The following NCMAP variants were observed in gnomAD, a reference collection of about 807,000 sequenced individuals.
The protein encoded by NCMAP is non-compact myelin associated protein.
In NCMAP, 8 loss-of-function variants were observed where a neutral mutation model predicts 7.8. That is an observed-to-expected ratio of 1.02 (90% CI 0.60 to 1.84). The LOEUF is 1.84. Among genes scored for constraint, NCMAP ranks in the 40% most tolerant of loss-of-function variants. NCMAP has a pLI of 0.00. For synonymous variants in NCMAP, 41 were observed against 52.9 expected, an observed-to-expected ratio of 0.78 and a Z score of 0.98; for missense variants, 112 against 131.4, an observed-to-expected ratio of 0.85 and a Z score of 0.72.
At chr1:24,564,558 G>A (rs1271059307) in intron 1 of NCMAP, among the ~76,000 whole-genome samples, 2 of 144,842 alleles carry the variant, frequency 1.4e-5, no homozygotes, top group Non-Finnish European at 3.0e-5. Flanking sequence ...GAGAGATGGA[G>A]AGTATACGTA....
Position 24,576,533 on chromosome 1 carries a change from A to G in NCMAP, c.-7-18891A>G, listed in dbSNP as rs1395476767. On this transcript the variant is annotated intron_variant, in intron 1 of 3. Transcript: ENST00000374392. This position sits in a 1 kb window ranked among gnomAD's most constrained non-coding sequence, Gnocchi z 4.0. ...GTGTGGAGGCAAACAAGCCTCGGGGAGGGTGTCCTGAACCAAGTGAGAGGC... is the reference window on the plus strand; with the variant it reads ...GTGTGGAGGCAAACAAGCCTCGGGGGGGGTGTCCTGAACCAAGTGAGAGGC... Among the ~76,000 whole-genome samples, 1 of 151,944 alleles carries G rather than the reference A, an allele frequency of 6.6e-6. No homozygotes were observed. Among genetic ancestry groups the G allele is most frequent in the Non-Finnish European group, 1.5e-5 (1 of 67,974 alleles).
intron 1 of NCMAP, among the ~76,000 whole-genome samples, chr1:24,557,952 G>A (rs1344412528): frequency 6.6e-6 from 1 of 152,178 alleles, no homozygotes; most frequent in Non-Finnish European, 1.5e-5. Context: ...CCTGGGCTCC[G>A]TAGCACCATG....
chr1:24,567,333 TAA>T (rs1651257927), intron 1 of NCMAP, among the ~76,000 whole-genome samples: 1 of 152,122 alleles, frequency 6.6e-6, no homozygotes, highest in East Asian at 1.9e-4. Flanking sequence ...ATAAGTGCTA[TAA>T]CTAAGGTACC....
chr1:24,562,582 T>C (rs1040891126), intron 1 of NCMAP, among the ~76,000 whole-genome samples: 1 of 152,240 alleles, frequency 6.6e-6, no homozygotes, highest in Admixed American at 6.5e-5. Context: ...GCCTGAACTC[T>C]TACCCTTTCC....
At chr1:24,599,480 G>A (rs1652384781) in intron 2 of NCMAP, among the ~76,000 whole-genome samples, 2 of 152,050 alleles carry the variant, frequency 1.3e-5, no homozygotes, top group South Asian at 2.1e-4. Context: ...AAACAATGGA[G>A]TACTATGCAG....
intron 1 of NCMAP, among the ~76,000 whole-genome samples, chr1:24,571,580 C>T (rs66467890): frequency 0.63 from 94,477 of 150,008 alleles, 30,740 homozygotes; most frequent in African/African-American, 0.68. Context: ...AAAAAAACTT[C>T]ATATATATAC....
At chr1:24,597,663 G>GAA (rs1167251626) in intron 2 of NCMAP, among the ~76,000 whole-genome samples, 1 of 137,292 alleles carries the variant, frequency 7.3e-6, no homozygotes, top group South Asian at 2.5e-4. Flanking sequence ...AAGAAAGAAA[G>GAA]AAAGAAAGAA....
chr1:24,563,131 G>A (rs1050402626), intron 1 of NCMAP, among the ~76,000 whole-genome samples: 1 of 152,358 alleles, frequency 6.6e-6, no homozygotes, highest in Non-Finnish European at 1.5e-5. Flanking sequence ...TATACTTAAG[G>A]AGATAAAGGA....
intron 2 of NCMAP, among the ~76,000 whole-genome samples, chr1:24,596,264 C>T (rs1403232233): frequency 6.6e-6 from 1 of 151,422 alleles, no homozygotes; most frequent in African/African-American, 2.4e-5. Flanking sequence ...CAAAGTGAGC[C>T]TCCAAAACAA....
In NCMAP at chr1:24,605,637, A is replaced by T. The variant is rs1190899795; in HGVS notation, c.199A>T (p.Lys67Ter). Residue 67 changes from lysine to a stop codon, truncating the protein, a stop_gained, in exon 4 of 4, where the codon AAG (lysine) becomes TAG (stop). Transcript: ENST00000374392. LOFTEE classifies it high-confidence loss of function. ...GAGGACGAGGCGGGAACTAGAGCCC[A>T]AGGGCCCCAAGCCAACCGCCCCTTC... Reference protein sequence around the residue: ...KMRTRRELEPKGPKPTAPSAV... With the variant: ...KMRTRRELEP The T allele has an allele frequency of 7.4e-6, 12 of 1,614,248 alleles. No homozygotes were observed. The highest frequency in any genetic ancestry group is 2.2e-5 in the South Asian group (2 of 91,088).
chr1:24,592,422 A>T (rs1320317637), intron 1 of NCMAP, among the ~76,000 whole-genome samples: 1 of 152,092 alleles, frequency 6.6e-6, no homozygotes. Context: ...TATTTAATAG[A>T]TGTGTTTCAT....
chr1:24,605,345 AG>A (rs1411087230), intron 3 of NCMAP, among the ~76,000 whole-genome samples: 1 of 152,190 alleles, frequency 6.6e-6, no homozygotes, highest in Non-Finnish European at 1.5e-5. Context: ...TCTTTTATAT[AG>A]CCACCTCTGA....
At chr1:24,564,528 A>C (rs1333489809) in intron 1 of NCMAP, among the ~76,000 whole-genome samples, 2 of 126,688 alleles carry the variant, frequency 1.6e-5, no homozygotes, top group South Asian at 2.3e-4. Flanking sequence ...AAAAAAAAAA[A>C]AAAACAAAAA....
chr1:24,568,409 G>A (rs1252461101), intron 1 of NCMAP, among the ~76,000 whole-genome samples: 1 of 152,052 alleles, frequency 6.6e-6, no homozygotes, highest in East Asian at 1.9e-4. Context: ...TACTGACCTG[G>A]GGTCCCCAGG....
chr1:24,563,355 C>G (rs915072765), intron 1 of NCMAP, among the ~76,000 whole-genome samples: 1 of 152,062 alleles, frequency 6.6e-6, no homozygotes, highest in African/African-American at 2.4e-5. Flanking sequence ...AACCCCGTCT[C>G]TACTAAAAAT....
rs1459254792 is a variant in NCMAP, at chr1:24,556,368, C to T, written c.-8+199C>T. Among the ~76,000 whole-genome samples, 4 of 126,986 alleles carry T rather than the reference C, an allele frequency of 3.1e-5. No homozygotes were observed. The South Asian group carries it at 8.6e-4, about 27-fold the overall frequency. The allele number at this position is 126,986 out of a possible 152,430, so 83.3% of individuals were successfully genotyped here. ...GGGTCTGCGCGGGAGGGCGTTGGTC[C>T]GGGGTGGTGGGAGGGAGGCTGATCA... On this transcript the variant is annotated intron_variant, in intron 1 of 3. Transcript: ENST00000374392.
intron 1 of NCMAP, among the ~76,000 whole-genome samples, chr1:24,562,163 A>AT (rs1251596445): frequency 1.3e-5 from 2 of 152,180 alleles, no homozygotes; most frequent in South Asian, 4.1e-4. Flanking sequence ...AAAGCAATTC[A>AT]TTTATCTTTT....
chr1:24,602,027 C>T (rs1257737899), intron 3 of NCMAP, among the ~76,000 whole-genome samples: 2 of 131,858 alleles, frequency 1.5e-5, no homozygotes, highest in Non-Finnish European at 3.2e-5. Flanking sequence ...GGTGACGGAG[C>T]GAAACTCCGT....
At chr1:24,599,215 G>A (rs1225693499) in intron 2 of NCMAP, among the ~76,000 whole-genome samples, 1 of 150,100 alleles carries the variant, frequency 6.7e-6, no homozygotes, top group Non-Finnish European at 1.5e-5. Flanking sequence ...GGGAGGCAGA[G>A]GATGCAGTGA....
Sources: allele counts gnomAD v4.1 joint callset (sites outside exome capture counted in the v4.1 genomes callset), GRCh38; gene constraint gnomAD v4.1.1; non-coding constraint Gnocchi (gnomAD v3.1); transcripts MANE v1.5; gene names NCBI Gene and HGNC (gene_info 2026-07-23, HGNC 2026-07-21).